The following CIB1 variants were observed in gnomAD, a reference collection of about 807,000 sequenced individuals.
CIB1 encodes the protein calcium and integrin binding 1.
CIB1 carries 19 observed loss-of-function variants against 25.0 expected under a neutral mutation model. The ratio of observed to expected loss-of-function variants is 0.76; its 90% CI spans 0.53 to 1.12. The LOEUF (loss-of-function observed/expected upper bound fraction) is 1.12. CIB1 is among the 50% of genes most tolerant of loss of function. The probability of loss-of-function intolerance (pLI) is 0.00; values close to 1 mark genes in which losing one functional copy is unlikely to be tolerated. For synonymous variants in CIB1, 104 were observed against 98.5 expected, an observed-to-expected ratio of 1.06 and a Z score of -0.33; for missense variants, 236 against 242.6, an observed-to-expected ratio of 0.97 and a Z score of 0.18.
the CIB1 span, among the ~76,000 whole-genome samples, chr15:90,251,280 A>AT: frequency 0.24 from 26,792 of 109,464 alleles, 3,688 homozygotes; most frequent in Middle Eastern, 0.31. Context: ...CGCATGGCAA[A>AT]TTTTTTTTTT....
upstream of CIB1, chr15:90,233,957 C>T (rs1962573762): frequency 6.3e-6 from 9 of 1,418,736 alleles, no homozygotes; most frequent in Non-Finnish European, 8.3e-6. Context: ...CGCCCTTGGG[C>T]CGCGTCACTG....
the CIB1 span, chr15:90,250,542 G>C: frequency 1.4e-6 from 2 of 1,479,464 alleles, no homozygotes; most frequent in East Asian, 4.6e-5. Flanking sequence ...CGTTCTGGTG[G>C]ATTCCTTCAG....
the CIB1 span, chr15:90,241,548 G>C: frequency 1.9e-6 from 3 of 1,613,248 alleles, no homozygotes; most frequent in Non-Finnish European, 2.5e-6. Flanking sequence ...CTTGGCCTCG[G>C]TGAACCACCT....
chr15:90,250,694 G>A, the CIB1 span: 2 of 1,614,032 alleles, frequency 1.2e-6, no homozygotes, highest in Non-Finnish European at 1.7e-6. Context: ...AAAGGAATCT[G>A]AGAAGTGTGT....
the CIB1 span, chr15:90,256,068 G>A: frequency 1.2e-5 from 19 of 1,576,598 alleles, no homozygotes; most frequent in East Asian, 2.2e-5. Flanking sequence ...CTAGATAGCA[G>A]GAAGAGCTCC....
upstream of CIB1, among the ~76,000 whole-genome samples, chr15:90,237,910 A>G (rs564578585): frequency 1.3e-5 from 2 of 152,170 alleles, no homozygotes; most frequent in African/African-American, 4.8e-5. Context: ...TGAGAATAAG[A>G]TACTACATTT....
chr15:90,264,950 A>G, the CIB1 span: 8 of 1,535,768 alleles, frequency 5.2e-6, no homozygotes, highest in Non-Finnish European at 7.0e-6. Context: ...ACTCCTCAAC[A>G]TCAATCAGTT....
the CIB1 span, chr15:90,253,145 A>G: frequency 7.2e-5 from 54 of 755,070 alleles, no homozygotes; most frequent in Middle Eastern, 3.7e-4. Flanking sequence ...TCCCTCTTCA[A>G]CCTGCCCTCG....
chr15:90,250,436 C>G, the CIB1 span, among the ~76,000 whole-genome samples: 1 of 152,152 alleles, frequency 6.6e-6, no homozygotes. Flanking sequence ...GTCTTCCACC[C>G]CCATGCACCT....
chr15:90,235,356 A>G (rs768856532), upstream of CIB1, among the ~76,000 whole-genome samples: 5 of 152,134 alleles, frequency 3.3e-5, no homozygotes, highest in Non-Finnish European at 7.4e-5. Context: ...ATTTGAGGCC[A>G]GGAGTTCAAG....
upstream of CIB1, chr15:90,238,430 C>T (rs1186941293): frequency 1.3e-5 from 2 of 152,204 alleles, no homozygotes; most frequent in Admixed American, 1.3e-4. Flanking sequence ...TTAAACTTAG[C>T]TTGACTTTTG....
upstream of CIB1, among the ~76,000 whole-genome samples, chr15:90,237,076 A>G (rs1049563097): frequency 6.6e-6 from 1 of 151,818 alleles, no homozygotes; most frequent in Non-Finnish European, 1.5e-5. Context: ...CTCCTGCCTT[A>G]GCCTCCCGAG....
upstream of CIB1, among the ~76,000 whole-genome samples, chr15:90,236,400 T>C (rs1173316964): frequency 2.6e-5 from 4 of 152,372 alleles, no homozygotes; most frequent in Middle Eastern, 0.01. Flanking sequence ...AGCTGTGATC[T>C]AGATCTCTCA....
At position 90,232,282 on chromosome 15, in the gene CIB1, G is replaced by T. The variant is rs1127801; in HGVS notation, c.132C>A (p.Ser44Arg). 3 of 1,612,150 alleles carry T rather than the reference G, an allele frequency of 1.9e-6. No homozygotes were observed. Among genetic ancestry groups the T allele is most frequent in the East Asian group, 4.5e-5 (2 of 44,780 alleles). Residue 44 changes from serine (S) to arginine (R), a missense_variant, in exon 3 of 7, where the codon AGC becomes AGA. Physicochemically the swap from Ser to Arg is moderately radical, Grantham distance 110. Coordinates refer to ENST00000328649, the MANE Select transcript of CIB1 (RefSeq NM_006384.4). Reference protein sequence around the residue: ...FCELLPQEQRSVESSLRAQVP... With the variant: ...FCELLPQEQRRVESSLRAQVP... The stretch of plus-strand genomic sequence containing the variant: ...CTTGTGCCCGAAGTGACGACTCCAC[G>T]CTCCGCTGCTCCTGGGGAAGCAGCT...
the CIB1 span, among the ~76,000 whole-genome samples, chr15:90,239,182 A>AT: frequency 2.0e-5 from 3 of 151,976 alleles, no homozygotes; most frequent in South Asian, 2.1e-4. Context: ...ATAAATTGTG[A>AT]TTTTTCCTTA....
At chr15:90,239,136 G>A in the CIB1 span, among the ~76,000 whole-genome samples, 8 of 152,090 alleles carry the variant, frequency 5.3e-5, no homozygotes, top group African/African-American at 1.9e-4. Flanking sequence ...TGGTTAAAAA[G>A]TCAAGATCCA....
chr15:90,250,905 C>T, the CIB1 span: 1 of 1,611,062 alleles, frequency 6.2e-7, no homozygotes, highest in Non-Finnish European at 8.5e-7. Flanking sequence ...TTCCCTAGAT[C>T]CCCTCAACTG....
At chr15:90,239,924 C>G in the CIB1 span, among the ~76,000 whole-genome samples, 2 of 150,248 alleles carry the variant, frequency 1.3e-5, no homozygotes, top group Admixed American at 6.6e-5. Context: ...GAACCTGTTT[C>G]AAAATAAAAT....
chr15:90,253,658 C>G, the CIB1 span, among the ~76,000 whole-genome samples: 2 of 152,084 alleles, frequency 1.3e-5, no homozygotes. Flanking sequence ...GTGAGCACAT[C>G]TTAGGGAGAA....
Sources: gnomAD v4.1 joint callset for allele counts (sites outside exome capture counted in the v4.1 genomes callset) on GRCh38, gnomAD v4.1.1 for gene constraint, MANE v1.5 for transcripts, NCBI Gene and HGNC (gene_info 2026-07-23, HGNC 2026-07-21) for gene names.